The following LUZP2 variants were observed in gnomAD, a reference collection of about 807,000 sequenced individuals.
LUZP2 encodes the protein leucine zipper protein 2.
LUZP2 carries 52 observed loss-of-function variants against 51.6 expected under a neutral mutation model. That is an observed-to-expected ratio of 1.01 (90% confidence interval 0.81 to 1.27). The LOEUF is 1.27. Ranked by LOEUF, LUZP2 falls within the 50% of genes most tolerant of loss-of-function variation. The pLI is 0.00. For missense variants in LUZP2, 436 were observed against 395.4 expected, an observed-to-expected ratio of 1.10 and a Z score of -0.87; for synonymous variants, 154 against 137.3, an observed-to-expected ratio of 1.12 and a Z score of -0.85.
At chr11:25,052,828 G>A (rs1440472069) in intron 10 of LUZP2, among the ~76,000 whole-genome samples, 2 of 151,996 alleles carry the variant, frequency 1.3e-5, no homozygotes, top group Non-Finnish European at 2.9e-5. Flanking sequence ...ATTTTGGGGT[G>A]TGTTTTAGGA....
intron 1 of LUZP2, among the ~76,000 whole-genome samples, chr11:24,680,066 T>C (rs1389863472): frequency 6.6e-6 from 1 of 152,126 alleles, no homozygotes; most frequent in Non-Finnish European, 1.5e-5. Context: ...GATCAATTCA[T>C]ACCGCTTTAC....
intron 9 of LUZP2, among the ~76,000 whole-genome samples, chr11:25,008,791 C>T (rs1022195784): frequency 6.6e-6 from 1 of 152,014 alleles, no homozygotes; most frequent in Admixed American, 6.6e-5. Flanking sequence ...AAGCAGGAGG[C>T]CCAATGTGTG....
chr11:25,001,053 G>T (rs1856668876), intron 9 of LUZP2, among the ~76,000 whole-genome samples: 1 of 152,096 alleles, frequency 6.6e-6, no homozygotes, highest in Admixed American at 6.5e-5. Flanking sequence ...GAGGGGCACT[G>T]GTAGGTTCTG....
At chr11:24,713,675 G>A (rs1167555460) in intron 1 of LUZP2, among the ~76,000 whole-genome samples, 1 of 138,310 alleles carries the variant, frequency 7.2e-6, no homozygotes, top group African/African-American at 2.7e-5. Context: ...ATAACAGAGT[G>A]AGAATCTGTT....
intron 5 of LUZP2, chr11:24,891,096 A>T (rs1852840316): frequency 1.0e-6 from 1 of 982,880 alleles, no homozygotes; most frequent in African/African-American, 1.8e-5. Context: ...TGGCTAATGC[A>T]GTGAGAAAAG....
chr11:24,831,846 T>C (rs1445847337), intron 5 of LUZP2: 1 of 152,576 alleles, frequency 6.6e-6, no homozygotes, highest in Non-Finnish European at 1.5e-5. Flanking sequence ...AAGGGACTAT[T>C]TGTAATAAAT....
chr11:24,715,542 C>T (rs1858010510), intron 1 of LUZP2, among the ~76,000 whole-genome samples: 1 of 152,106 alleles, frequency 6.6e-6, no homozygotes, highest in Non-Finnish European at 1.5e-5. Flanking sequence ...ACTTTCACAT[C>T]TACATTGTCA....
chr11:24,842,048 A>C (rs1474419525), intron 5 of LUZP2, among the ~76,000 whole-genome samples: 1 of 151,886 alleles, frequency 6.6e-6, no homozygotes, highest in East Asian at 1.9e-4. Context: ...AAATAGAAAT[A>C]TATAAATATG....
intron 5 of LUZP2, among the ~76,000 whole-genome samples, chr11:24,880,097 C>T (rs928315603): frequency 6.6e-6 from 1 of 152,170 alleles, no homozygotes; most frequent in Non-Finnish European, 1.5e-5. Flanking sequence ...GCACTTTAGG[C>T]CATGGTGGTG....
At position 24,960,828 on chromosome 11, in the gene LUZP2, A is replaced by G. The variant is rs1247489068; in HGVS notation, c.523-15763A>G. Among the ~76,000 whole-genome samples the G allele has an allele frequency of 4.6e-5, 7 of 151,742 alleles. No individual in the cohort carries two copies. In the East Asian group the frequency reaches 1.4e-3, roughly 29 times the overall value. On this transcript the variant is annotated intron_variant, in intron 7 of 11. Coordinates refer to ENST00000336930, the MANE Select transcript of LUZP2 (RefSeq NM_001009909.4). ...TGCTCTTGCTTTTCTAGTTCTTTTA[A>G]TTGTGATGTTAGGGTGTCAGTTTTG... is the stretch of plus-strand genomic sequence containing the variant.
At chr11:24,959,068 T>C (rs749026120) in intron 7 of LUZP2, among the ~76,000 whole-genome samples, 33 of 152,268 alleles carry the variant, frequency 2.2e-4, no homozygotes, top group Non-Finnish European at 4.6e-4. Flanking sequence ...TAGTTATAGA[T>C]GTGTGGCATT....
In LUZP2 at chr11:24,602,342, ATATG is replaced by A. The variant is rs1386829389; in HGVS notation, c.62+105041_62+105044del. ...TATACACACACATATATATACATAT[ATATG>A]TATAAATCTCTTTTAAAGTGTGTGT... On this transcript the variant is annotated intron_variant, in intron 1 of 11. Coordinates refer to ENST00000336930, the MANE Select transcript of LUZP2 (RefSeq NM_001009909.4). Among the ~76,000 whole-genome samples the A allele has an allele frequency of 1.5e-3, 216 of 143,992 alleles. 1 individual carries two copies. Among genetic ancestry groups the A allele is most frequent in the Middle Eastern group, 3.7e-3 (1 of 268 alleles). The allele number at this position is 143,992 out of a possible 152,430, so 94.5% of individuals were successfully genotyped here.
chr11:24,918,630 T>C lies in LUZP2; in HGVS notation c.522+4092T>C, dbSNP rs182158120. The stretch of plus-strand genomic sequence containing the variant: ...ATGCTTTTTTTAGATTTGACAAATG[T>C]AATTCTTTAAAAAAAAAATCCTAAA... On this transcript the variant is annotated intron_variant, in intron 7 of 11. Transcript: ENST00000336930. Among the ~76,000 whole-genome samples, 350 of 150,744 alleles carry C rather than the reference T, an allele frequency of 2.3e-3. 1 individual carries two copies. The highest frequency in any genetic ancestry group is 7.9e-3 in the African/African-American group (324 of 41,264).
chr11:24,976,673 T>C lies in LUZP2; in HGVS notation c.597+8T>C, dbSNP rs750334066. On this transcript the variant is annotated splice_region_variant and intron_variant, in intron 8 of 11. Transcript: ENST00000336930. Reference sequence around the variant, plus strand: ...AAAGCAGCTCTTGACAGGGTAAGTCTACATTCATGAACCATTACAACTGTA... The same window carrying C: ...AAAGCAGCTCTTGACAGGGTAAGTCCACATTCATGAACCATTACAACTGTA... 1 of 1,416,398 alleles carries C rather than the reference T, an allele frequency of 7.1e-7. No individual in the cohort carries two copies. The highest frequency in any genetic ancestry group is 9.5e-7 in the Non-Finnish European group (1 of 1,053,544). 87.7% of individuals were successfully genotyped at this position (1,416,398 alleles called of 1,614,324 possible). A position where few individuals can be genotyped will look rare whatever the true frequency, so the allele number is the denominator to read the frequency against.
At chr11:24,501,738 C>T (rs1053890507) in intron 1 of LUZP2, among the ~76,000 whole-genome samples, 17 of 152,112 alleles carry the variant, frequency 1.1e-4, no homozygotes, top group African/African-American at 1.9e-4. Context: ...TTATTACATG[C>T]ACCATCAGGG....
At chr11:24,746,108 T>A (rs1365715203) in intron 4 of LUZP2, among the ~76,000 whole-genome samples, 2 of 152,240 alleles carry the variant, frequency 1.3e-5, no homozygotes, top group Non-Finnish European at 2.9e-5. Context: ...TTTTTTGTTT[T>A]AAGTTTTTGC....
rs530599474 is a variant in LUZP2, at chr11:24,845,517, G to A, written c.397-60474G>A. ...CACAGGATTGGCTTTGAAATATGAG[G>A]ACATGAGGTTTGGGAGGGGCCAGAG... On this transcript the variant is annotated intron_variant, in intron 5 of 11. Coordinates refer to ENST00000336930, the MANE Select transcript of LUZP2 (RefSeq NM_001009909.4). Among the ~76,000 whole-genome samples, 7 of 152,140 alleles carry A rather than the reference G, an allele frequency of 4.6e-5. No homozygotes were observed. The East Asian group carries it at 7.8e-4, about 17-fold the overall frequency.
At chr11:24,986,639 C>G (rs1190148260) in intron 9 of LUZP2, among the ~76,000 whole-genome samples, 1 of 150,860 alleles carries the variant, frequency 6.6e-6, no homozygotes, top group African/African-American at 2.4e-5. Context: ...TTTTCTACTG[C>G]TATGTGGTAG....
At chr11:24,775,080 T>C (rs567794279) in intron 5 of LUZP2, among the ~76,000 whole-genome samples, 10 of 151,972 alleles carry the variant, frequency 6.6e-5, no homozygotes, top group African/African-American at 2.4e-4. Flanking sequence ...ATCATTGAAA[T>C]GAGCGTTTTA....
Sources: gnomAD v4.1 joint callset for allele counts (sites outside exome capture counted in the v4.1 genomes callset) on GRCh38, gnomAD v4.1.1 for gene constraint, MANE v1.5 for transcripts, NCBI Gene and HGNC (gene_info 2026-07-23, HGNC 2026-07-21) for gene names.